Variants in PARL observed in about 807,000 individuals in gnomAD.
PARL encodes the protein presenilin-associated rhomboid-like protein, mitochondrial.
A neutral mutation model predicts 51.6 loss-of-function variants in PARL; 44 were observed. That is an observed-to-expected ratio of 0.85 (90% confidence interval 0.67 to 1.10). PARL has a LOEUF of 1.10. Among genes scored for constraint, PARL ranks in the 50% least tolerant of loss-of-function variants. The probability of loss-of-function intolerance (pLI) is 0.00; values close to 1 mark genes in which losing one functional copy is unlikely to be tolerated. For synonymous variants in PARL, 172 were observed against 164.0 expected, an observed-to-expected ratio of 1.05 and a Z score of -0.37; for missense variants, 441 against 469.5, an observed-to-expected ratio of 0.94 and a Z score of 0.56.
chr3:183,881,121 ATTTTTTT>A (rs10589229), intron 1 of PARL, among the ~76,000 whole-genome samples: 1 of 139,626 alleles, frequency 7.2e-6, no homozygotes, highest in Non-Finnish European at 1.5e-5. Flanking sequence ...GCCTTTGTGC[ATTTTTTT>A]TTTTTTTTTT....
rs1560418883 is a variant in PARL at position 183,866,758 on chromosome 3, CCTGTAAA to C, written c.322_328del (p.Phe108AlafsTer15). ...AATAGCAGCTGATCCAAATGCACAG[CCTGTAAA>C]CTATATAAAATTAGATATATTACAA... On this transcript the variant is annotated frameshift_variant and splice_region_variant, in exon 3 of 10. Transcript: ENST00000317096. LOFTEE classifies it high-confidence loss of function. The C allele has an allele frequency of 6.3e-7, 1 of 1,593,708 alleles. No individual in the cohort carries two copies. The highest frequency in any genetic ancestry group is 8.6e-7 in the Non-Finnish European group (1 of 1,161,876).
intron 6 of PARL, among the ~76,000 whole-genome samples, chr3:183,841,837 T>C (rs1163760127): frequency 6.6e-6 from 1 of 152,168 alleles, no homozygotes; most frequent in East Asian, 1.9e-4. Context: ...GACAATCATA[T>C]TGTATAGCTC....
intron 1 of PARL, among the ~76,000 whole-genome samples, chr3:183,872,655 T>A (rs1733346402): frequency 6.6e-6 from 1 of 152,172 alleles, no homozygotes; most frequent in Non-Finnish European, 1.5e-5. Context: ...TTTTCTGTAA[T>A]AGGAAATATC....
chr3:183,881,190 C>T (rs1438326431), intron 1 of PARL, among the ~76,000 whole-genome samples: 1 of 150,404 alleles, frequency 6.6e-6, no homozygotes, highest in Non-Finnish European at 1.5e-5. Context: ...GATGCAATCT[C>T]GGCTCACTGC....
At chr3:183,878,412 A>G (rs1265636927) in intron 1 of PARL, among the ~76,000 whole-genome samples, 2 of 152,156 alleles carry the variant, frequency 1.3e-5, no homozygotes, top group East Asian at 3.8e-4. Flanking sequence ...AGAACTACAA[A>G]ATATTGTGGC....
intron 3 of PARL, among the ~76,000 whole-genome samples, chr3:183,866,008 T>C (rs961140484): frequency 6.6e-6 from 1 of 151,766 alleles, no homozygotes; most frequent in Non-Finnish European, 1.5e-5. Flanking sequence ...GCTTCCTGAG[T>C]AGCTGGGGCC....
At chr3:183,875,415 CAAAAAAAAA>C (rs61316689) in intron 1 of PARL, among the ~76,000 whole-genome samples, 2 of 60,150 alleles carry the variant, frequency 3.3e-5, no homozygotes, top group African/African-American at 7.2e-5. Context: ...ACTCTGTCTC[CAAAAAAAAA>C]AAAAAAAAAA....
At chr3:183,866,026 T>C (rs1221511390) in intron 3 of PARL, among the ~76,000 whole-genome samples, 1 of 151,990 alleles carries the variant, frequency 6.6e-6, no homozygotes, top group African/African-American at 2.4e-5. Flanking sequence ...GCCACAGGCA[T>C]GCACCACCAC....
At chr3:183,865,866 A>T (rs1263504954) in intron 3 of PARL, among the ~76,000 whole-genome samples, 1 of 151,786 alleles carries the variant, frequency 6.6e-6, no homozygotes, top group Non-Finnish European at 1.5e-5. Flanking sequence ...AACAACTATT[A>T]ACATTAATTT....
rs551543370 is a variant in PARL at position 183,845,260 on chromosome 3, C to T, written c.512-934G>A. 2.0e-5 allele frequency among the ~76,000 whole-genome samples: 3 copies of T among 152,250 alleles called. No individual in the cohort carries two copies. In the East Asian group the frequency reaches 5.8e-4, roughly 29 times the overall value. ...CAGCTGATCTACATCTCGGTGTTACCTGTGGCTTCCGCAGTTGCTCATTCT... is the reference window on the plus strand; with the variant it reads ...CAGCTGATCTACATCTCGGTGTTACTTGTGGCTTCCGCAGTTGCTCATTCT... On this transcript the variant is annotated intron_variant, in intron 4 of 9. Transcript: ENST00000317096.
chr3:183,843,395 T>C (rs1335714225), intron 5 of PARL: 1 of 486,550 alleles, frequency 2.1e-6, no homozygotes, highest in Non-Finnish European at 2.7e-6. Flanking sequence ...CATGCACCTG[T>C]AGTCCCAGCT....
At chr3:183,846,037 C>T (rs1729908354) in intron 4 of PARL, among the ~76,000 whole-genome samples, 1 of 152,032 alleles carries the variant, frequency 6.6e-6, no homozygotes, top group Non-Finnish European at 1.5e-5. Flanking sequence ...AAAATGGCAA[C>T]GACTACTCTG....
intron 4 of PARL, chr3:183,846,567 G>A (rs1167030854): frequency 1.0e-6 from 1 of 984,948 alleles, no homozygotes; most frequent in Non-Finnish European, 1.2e-6. Flanking sequence ...ACACTGCTAA[G>A]TTTTCAATCC....
rs983672106 is a variant in PARL, at chr3:183,833,724, A to AT, written c.929dup (p.Asn310LysfsTer22). The AT allele has an allele frequency of 3.1e-6, 5 of 1,593,342 alleles. No individual in the cohort carries two copies. Among genetic ancestry groups the AT allele is most frequent in the Non-Finnish European group, 4.3e-6 (5 of 1,161,162 alleles). Reference sequence around the variant, plus strand: ...CACTGCACTTCATAAAAATACTTACATTCCCTGCTGTGAACGTGAACATCG... The same window carrying AT: ...CACTGCACTTCATAAAAATACTTACATTTCCCTGCTGTGAACGTGAACATCG... On this transcript the variant is annotated frameshift_variant and splice_region_variant, in exon 8 of 10. Transcript: ENST00000317096. LOFTEE classifies it high-confidence loss of function.
intron 1 of PARL, among the ~76,000 whole-genome samples, chr3:183,869,449 C>A (rs1318073598): frequency 6.6e-6 from 1 of 152,064 alleles, no homozygotes; most frequent in Non-Finnish European, 1.5e-5. Flanking sequence ...CTCAGGTGAT[C>A]CACCCGCATT....
In PARL at chr3:183,842,351, C is replaced by T; in HGVS notation, c.704G>A (p.Ser235Asn). 6.2e-7 allele frequency: 1 copy of T among 1,613,648 alleles called. No homozygotes were observed. Among genetic ancestry groups the T allele is most frequent in the East Asian group, 2.2e-5 (1 of 44,880 alleles). ...CTCTTGACCCAGAATGTTCACTATG[C>T]TGGAAGAGAAGCTCCACAAAACATA... ...NMYVLWSFSS[S>N]IVNILGQEQF... The change falls in exon 6 of 10, where the codon AGC (serine) becomes AAC (asparagine). Residue 235 changes from serine to asparagine, a missense_variant. Ser to Asn is a conservative substitution (Grantham distance 46). Transcript: ENST00000317096.
intron 4 of PARL, among the ~76,000 whole-genome samples, chr3:183,859,517 A>C (rs1731562134): frequency 6.6e-6 from 1 of 152,022 alleles, no homozygotes; most frequent in Non-Finnish European, 1.5e-5. Flanking sequence ...TTGTATTTTT[A>C]GTAGAGATGG....
At chr3:183,830,038 G>A (rs1191652235) in intron 9 of PARL, among the ~76,000 whole-genome samples, 1 of 152,158 alleles carries the variant, frequency 6.6e-6, no homozygotes, top group Non-Finnish European at 1.5e-5. Context: ...TTTGTCCAAG[G>A]TGCTAATAGT....
At chr3:183,872,980 C>T (rs1733383310) in intron 1 of PARL, among the ~76,000 whole-genome samples, 1 of 152,134 alleles carries the variant, frequency 6.6e-6, no homozygotes, top group Admixed American at 6.5e-5. Flanking sequence ...AAATAACTCC[C>T]CTTCTTATTT....
Sources: allele counts gnomAD v4.1 joint callset (sites outside exome capture counted in the v4.1 genomes callset), GRCh38; gene constraint gnomAD v4.1.1; transcripts MANE v1.5; gene names NCBI Gene and HGNC (gene_info 2026-07-23, HGNC 2026-07-21).